Variants in TMEM108 observed in about 807,000 individuals in gnomAD.
TMEM108 encodes transmembrane protein 108.
TMEM108 carries 12 observed loss-of-function variants against 35.1 expected under a neutral mutation model. That is an observed-to-expected ratio of 0.34 (90% confidence interval 0.22 to 0.55). The LOEUF (loss-of-function observed/expected upper bound fraction) is 0.55. Ranked by LOEUF, TMEM108 falls within the 20% of genes least tolerant of loss-of-function variation. The pLI, the probability that TMEM108 is intolerant of heterozygous loss-of-function variation, is 0.89. For missense variants in TMEM108, 680 were observed against 753.3 expected, an observed-to-expected ratio of 0.90 and a Z score of 1.14; for synonymous variants, 287 against 308.6, an observed-to-expected ratio of 0.93 and a Z score of 0.73.
intron 2 of TMEM108, among the ~76,000 whole-genome samples, chr3:133,209,208 ATT>A (rs10685541): frequency 4.8e-5 from 7 of 144,568 alleles, no homozygotes; most frequent in Non-Finnish European, 7.6e-5. Flanking sequence ...CACCTGGCTA[ATT>A]TTTTTTTTTT....
At chr3:133,302,776 G>A (rs574705678) in intron 3 of TMEM108, among the ~76,000 whole-genome samples, 53 of 152,120 alleles carry the variant, frequency 3.5e-4, no homozygotes, top group Non-Finnish European at 5.6e-4. Flanking sequence ...ATTTTTACTC[G>A]AATTGTTTGG....
chr3:133,230,441 A>G (rs553585313), intron 3 of TMEM108, among the ~76,000 whole-genome samples: 1 of 152,262 alleles, frequency 6.6e-6, no homozygotes, highest in Non-Finnish European at 1.5e-5. Flanking sequence ...GGACTTTCTC[A>G]TGTTCCTTTT....
At chr3:133,301,749 C>A (rs956003715) in intron 3 of TMEM108, among the ~76,000 whole-genome samples, 1 of 152,168 alleles carries the variant, frequency 6.6e-6, no homozygotes. Context: ...TTATCATTTT[C>A]ATTGAATTTC....
intron 3 of TMEM108, among the ~76,000 whole-genome samples, chr3:133,270,140 C>T (rs1428995016): frequency 6.6e-6 from 1 of 152,236 alleles, no homozygotes; most frequent in East Asian, 1.9e-4. Flanking sequence ...AGAGATTTTG[C>T]AGTTCTCCCC....
chr3:133,220,998 G>T (rs907057201), intron 2 of TMEM108, among the ~76,000 whole-genome samples: 3 of 152,210 alleles, frequency 2.0e-5, no homozygotes, highest in Non-Finnish European at 4.4e-5. Flanking sequence ...CATAAATAGT[G>T]TAAAGTCTAG....
intron 2 of TMEM108, among the ~76,000 whole-genome samples, chr3:133,143,921 CTTTTA>C (rs3078779): frequency 0.22 from 28,848 of 130,760 alleles, 3,386 homozygotes; most frequent in Admixed American, 0.31. Flanking sequence ...GGAAGGCTCA[CTTTTA>C]TTTTATTTTA....
intron 3 of TMEM108, among the ~76,000 whole-genome samples, chr3:133,235,378 C>T (rs1218603205): frequency 1.3e-5 from 2 of 152,048 alleles, no homozygotes; most frequent in African/African-American, 4.8e-5. Flanking sequence ...GTAACCAAAA[C>T]AGCATGGTAC....
intron 3 of TMEM108, among the ~76,000 whole-genome samples, chr3:133,364,381 A>AAT (rs1402168891): frequency 2.0e-5 from 3 of 152,254 alleles, no homozygotes; most frequent in Admixed American, 6.5e-5. Context: ...AGTGAGAAGA[A>AAT]GGTGAAGCAC....
chr3:133,322,720 A>G (rs953437633), intron 3 of TMEM108, among the ~76,000 whole-genome samples: 1 of 152,134 alleles, frequency 6.6e-6, no homozygotes, highest in Non-Finnish European at 1.5e-5. Flanking sequence ...AACAAAAAAG[A>G]AAACTACAGA....
At chr3:133,283,647 T>A (rs1295769702) in intron 3 of TMEM108, among the ~76,000 whole-genome samples, 1 of 152,214 alleles carries the variant, frequency 6.6e-6, no homozygotes, top group Admixed American at 6.5e-5. Context: ...CTTTCAAGCC[T>A]CTGTCATAGG....
At chr3:133,257,701 A>G (rs1946567259) in intron 3 of TMEM108, among the ~76,000 whole-genome samples, 1 of 152,214 alleles carries the variant, frequency 6.6e-6, no homozygotes, top group African/African-American at 2.4e-5. Context: ...AAAGGAGCAA[A>G]TGAAAAGGGA....
chr3:133,387,128 T>C, intron 4 of TMEM108: 1 of 985,492 alleles, frequency 1.0e-6, no homozygotes, highest in Non-Finnish European at 1.2e-6. Flanking sequence ...AACACAGTTT[T>C]TCTTTCTAGA....
intron 2 of TMEM108, among the ~76,000 whole-genome samples, chr3:133,090,949 G>C (rs182199694): frequency 1.3e-5 from 2 of 152,158 alleles, no homozygotes; most frequent in African/African-American, 4.8e-5. Context: ...TAAAAGTGAT[G>C]ATCATCCTTG....
intron 2 of TMEM108, among the ~76,000 whole-genome samples, chr3:133,106,806 G>C (rs137883785): frequency 6.6e-6 from 1 of 152,194 alleles, no homozygotes; most frequent in Non-Finnish European, 1.5e-5. Context: ...AATGATTACA[G>C]TCCGAGGCAA....
At chr3:133,294,870 A>G (rs1223971561) in intron 3 of TMEM108, among the ~76,000 whole-genome samples, 4 of 152,202 alleles carry the variant, frequency 2.6e-5, no homozygotes, top group Non-Finnish European at 5.9e-5. Context: ...AAATTAATGT[A>G]TGTGCCATTT....
intron 5 of TMEM108, among the ~76,000 whole-genome samples, chr3:133,394,579 T>C (rs1323196483): frequency 1.3e-5 from 2 of 152,242 alleles, no homozygotes; most frequent in African/African-American, 4.8e-5. Context: ...AGACTTGCTT[T>C]GTGAAAGCTA....
At chr3:133,051,623 T>G (rs1344067693) in intron 2 of TMEM108, among the ~76,000 whole-genome samples, 1 of 152,150 alleles carries the variant, frequency 6.6e-6, no homozygotes, top group Non-Finnish European at 1.5e-5. Context: ...CTGTGTTATC[T>G]TCTATGAGTT....
intron 3 of TMEM108, among the ~76,000 whole-genome samples, chr3:133,266,428 G>T (rs1405511203): frequency 1.3e-5 from 2 of 152,180 alleles, no homozygotes; most frequent in Non-Finnish European, 2.9e-5. Context: ...TTGTCCATAG[G>T]TTTTTGGCAA....
Position 133,149,298 on chromosome 3 carries a change from T to C in TMEM108, c.-46-79968T>C, listed in dbSNP as rs114144569. On this transcript the variant is annotated intron_variant, in intron 2 of 5. Coordinates refer to ENST00000321871, the MANE Select transcript of TMEM108 (RefSeq NM_023943.4). ...GTCACGTTTCAAAATGTGAATACAT[T>C]GTGAAGTGATTACCAAATCAAGCAA... Among the ~76,000 whole-genome samples the C allele has an allele frequency of 5.0e-3, 761 of 152,362 alleles. 6 individuals are homozygous for C. The highest frequency in any genetic ancestry group is 0.017 in the African/African-American group (715 of 41,582).
Sources: allele counts gnomAD v4.1 joint callset (sites outside exome capture counted in the v4.1 genomes callset), GRCh38; gene constraint gnomAD v4.1.1; transcripts MANE v1.5; gene names NCBI Gene and HGNC (gene_info 2026-07-23, HGNC 2026-07-21).